Variants in TRIM21 observed in about 807,000 individuals in gnomAD.
The protein encoded by TRIM21 is tripartite motif containing 21.
A neutral mutation model predicts 36.1 loss-of-function variants in TRIM21; 35 were observed. The observed-to-expected ratio is 0.97, with a 90% CI of 0.74 to 1.28. The LOEUF (loss-of-function observed/expected upper bound fraction) is 1.28, where lower values mean the gene tolerates loss of function less well. Among genes scored for constraint, TRIM21 ranks in the 50% most tolerant of loss-of-function variants. TRIM21 has a pLI of 0.00. For synonymous variants in TRIM21, 256 were observed against 211.5 expected, an observed-to-expected ratio of 1.21 and a Z score of -1.83; for missense variants, 635 against 570.7, an observed-to-expected ratio of 1.11 and a Z score of -1.15.
Position 4,385,355 on chromosome 11 carries a change from C to T in TRIM21, c.1358G>A (p.Gly453Glu), listed in dbSNP as rs770081380. 1 of 1,613,596 alleles carries T rather than the reference C, an allele frequency of 6.2e-7. No homozygotes were observed. Among genetic ancestry groups the T allele is most frequent in the South Asian group, 1.1e-5 (1 of 91,040 alleles). ...RPFFSPGFND[G>E]GKNTAPLTLC... ...GGTTAGAGGGGCTGTGTTTTTTCCT[C>T]CATCATTGAAACCAGGACTGAAGAA... Residue 453 changes from glycine (G) to glutamate (E), a missense_variant, in exon 7 of 7, where the codon GGA (glycine) becomes GAA (glutamate). Physicochemically the swap from Gly to Glu is moderately conservative, Grantham distance 98. Transcript: ENST00000254436.
intron 1 of TRIM21, among the ~76,000 whole-genome samples, chr11:4,392,938 CTTTGA>C (rs1480858411): frequency 6.6e-6 from 1 of 152,158 alleles, no homozygotes; most frequent in Non-Finnish European, 1.5e-5. Flanking sequence ...ATACTTCATG[CTTTGA>C]ATATATCTTC....
At chr11:4,389,602 G>C in intron 3 of TRIM21, 52 bp downstream of exon 3, 4 of 1,506,244 alleles carry the variant, frequency 2.7e-6, no homozygotes, top group Non-Finnish European at 2.8e-6. Context: ...TGAGGACTCT[G>C]GACCCTGCCC....
chr11:4,386,198 C>T lies in TRIM21; in HGVS notation c.818G>A (p.Cys273Tyr). ...CATCTTCTTCAGCCCTGGCACATGG[C>T]ACACACTCCTGAGTTCTGGAGAGGT... The part of the protein sequence containing the change: ...DITSPELRSV[C>Y]HVPGLKKMLR... Residue 273 changes from cysteine to tyrosine, a missense_variant, in exon 6 of 7, where the codon TGC (cysteine) becomes TAC (tyrosine). Physicochemically the swap from Cys to Tyr is radical, Grantham distance 194. Transcript: ENST00000254436. 1.2e-6 allele frequency: 2 copies of T among 1,613,810 alleles called. No homozygotes were observed. The highest frequency in any genetic ancestry group is 2.2e-5 in the East Asian group (1 of 44,878).
At chr11:4,388,235 C>T (rs1368791911) in intron 4 of TRIM21, 65 bp downstream of exon 4, 2 of 1,398,904 alleles carry the variant, frequency 1.4e-6, no homozygotes, top group African/African-American at 2.9e-5. Context: ...AATGGCAGTT[C>T]CAGATAGCTC....
chr11:4,390,114 A>C lies in TRIM21; in HGVS notation c.296T>G (p.Leu99Arg). 1 of 1,613,988 alleles carries C rather than the reference A, an allele frequency of 6.2e-7. No individual in the cohort carries two copies. Among genetic ancestry groups the C allele is most frequent in the Non-Finnish European group, 8.5e-7 (1 of 1,179,884 alleles). ...CCCATCTTTCTCACAGAACAGGTGA[A>C]GTCTCTCTCCATGCACTGCACACCG... is the stretch of plus-strand genomic sequence containing the variant. ...GERCAVHGER[L>R]HLFCEKDGKA... is the part of the protein sequence containing the mutation. The change falls in exon 2 of 7, where the codon CTT (leucine) becomes CGT (arginine). Residue 99 changes from leucine (L) to arginine (R), a missense_variant. Leu to Arg is a moderately radical substitution (Grantham distance 102). Coordinates refer to ENST00000254436, the MANE Select transcript of TRIM21 (RefSeq NM_003141.4).
chr11:4,387,841 TAAATAAATAAA>T (rs2094958203), intron 4 of TRIM21, among the ~76,000 whole-genome samples: 1 of 151,898 alleles, frequency 6.6e-6, no homozygotes, highest in South Asian at 2.1e-4. Flanking sequence ...CATAAATAAA[TAAATAAATAAA>T]TAAATAGAAA....
At chr11:4,388,610 C>T in intron 3 of TRIM21, 80 bp from the exon 4 acceptor site, 1 of 1,398,414 alleles carries the variant, frequency 7.2e-7, no homozygotes, top group South Asian at 1.2e-5. Context: ...GGTACCTATT[C>T]CTATCCCCAA....
In TRIM21 at chr11:4,385,256, G is replaced by A; in HGVS notation, c.*29C>T. ...TTGTGGCTGAGAAGCGGTGCCAATG[G>A]GGAGAGTGGCAGTGTCCAGAGAAAG... On this transcript the variant is annotated 3_prime_UTR_variant, in exon 7 of 7. Transcript: ENST00000254436. 6.3e-7 allele frequency: 1 copy of A among 1,577,998 alleles called. No individual in the cohort carries two copies. Among genetic ancestry groups the A allele is most frequent in the South Asian group, 1.2e-5 (1 of 86,388 alleles).
At chr11:4,388,868 C>T (rs1022815617) in intron 3 of TRIM21, among the ~76,000 whole-genome samples, 1 of 149,250 alleles carries the variant, frequency 6.7e-6, no homozygotes, top group Non-Finnish European at 1.5e-5. Context: ...CCTGTGTCTT[C>T]CTGTCTCAGT....
rs553319068 is a variant in TRIM21 at position 4,389,276 on chromosome 11, C to T, written c.504+378G>A. 2.0e-5 allele frequency among the ~76,000 whole-genome samples: 3 copies of T among 152,330 alleles called. No individual in the cohort carries two copies. In the South Asian group the frequency reaches 6.2e-4, roughly 32 times the overall value. On this transcript the variant is annotated intron_variant, in intron 3 of 6. Transcript: ENST00000254436. ...TTCCTTAAGTTTATTCCTCACAGCC[C>T]TTGTCATTTCCTGAAAGGCTTAGCT... is the stretch of plus-strand genomic sequence containing the variant.
intron 1 of TRIM21, among the ~76,000 whole-genome samples, chr11:4,393,174 C>G (rs2094965104): frequency 6.6e-6 from 1 of 152,192 alleles, no homozygotes; most frequent in South Asian, 2.1e-4. Flanking sequence ...GCCTGCCCCT[C>G]TCACCTCTGG....
intron 1 of TRIM21, among the ~76,000 whole-genome samples, chr11:4,391,163 G>T (rs564806520): frequency 6.6e-5 from 10 of 152,110 alleles, no homozygotes; most frequent in African/African-American, 2.4e-4. Flanking sequence ...GTAAATATTT[G>T]TAAACTATCC....
At chr11:4,389,810 C>T in intron 2 of TRIM21, 61 bp from the exon 3 acceptor site, 1 of 1,552,576 alleles carries the variant, frequency 6.4e-7, no homozygotes, top group East Asian at 2.2e-5. Context: ...TGGGGTAATC[C>T]TTGCAGCATT....
intron 4 of TRIM21, 143 bp downstream of exon 4, chr11:4,388,157 G>A (rs1358221062): frequency 4.1e-6 from 3 of 737,950 alleles, no homozygotes; most frequent in Admixed American, 3.0e-5. Flanking sequence ...TCTTGAACGC[G>A]AACCTTTCAT....
chr11:4,393,517 G>A (rs1295325671), intron 1 of TRIM21, 116 bp downstream of exon 1: 1 of 152,574 alleles, frequency 6.6e-6, no homozygotes. Context: ...GGTGGGAGAA[G>A]GGGCAAATGG....
chr11:4,388,310 T>A lies in TRIM21; in HGVS notation c.725A>T (p.Glu242Val). ...LDRRCHSSALELLQEVIIVLE... is the reference protein window; with the variant it reads ...LDRRCHSSALVLLQEVIIVLE... ...CCCTCCCTGTCTCACCTGCAGCAGT[T>A]CCAGTGCTGAGCTGTGGCACCTTCG... Residue 242 changes from glutamate (E) to valine (V), a missense_variant, in exon 4 of 7, where the codon GAA becomes GTA. Transcript: ENST00000254436. 1 of 1,611,996 alleles carries A rather than the reference T, an allele frequency of 6.2e-7. No homozygotes were observed. Among genetic ancestry groups the A allele is most frequent in the Non-Finnish European group, 8.5e-7 (1 of 1,178,226 alleles).
intron 4 of TRIM21, 52 bp downstream of exon 4, chr11:4,388,248 G>A: frequency 2.0e-6 from 3 of 1,495,928 alleles, no homozygotes; most frequent in Non-Finnish European, 2.7e-6. Flanking sequence ...GATAGCTCTG[G>A]TCTTTTTCAG....
intron 1 of TRIM21, among the ~76,000 whole-genome samples, chr11:4,392,677 T>C (rs1290605021): frequency 6.6e-6 from 1 of 152,264 alleles, no homozygotes; most frequent in Non-Finnish European, 1.5e-5. Flanking sequence ...AGTTTATTCC[T>C]GTTCTGAATA....
At position 4,388,456 on chromosome 11, in the gene TRIM21, T is replaced by C. The variant is rs1363071915; in HGVS notation, c.579A>G (p.Glu193=). 1.9e-6 allele frequency: 3 copies of C among 1,613,700 alleles called. No homozygotes were observed. Among genetic ancestry groups the C allele is most frequent in the Non-Finnish European group, 2.5e-6 (3 of 1,179,866 alleles). Residue 193 remains glutamate, a synonymous_variant, in exon 4 of 7, where the codon GAA becomes GAG. Coordinates refer to ENST00000254436, the MANE Select transcript of TRIM21 (RefSeq NM_003141.4). ...TCTCCAGCTCCTGCAGCTGCCTCTG[T>C]TCTTCTTCAACCAGGAAGTTTTTTT... ...VQQKNFLVEE[E]QRQLQELEKD...
Sources: gnomAD v4.1 joint callset for allele counts (sites outside exome capture counted in the v4.1 genomes callset) on GRCh38, gnomAD v4.1.1 for gene constraint, MANE v1.5 for transcripts, NCBI Gene and HGNC (gene_info 2026-07-23, HGNC 2026-07-21) for gene names.